The following RHOQ variants were observed in gnomAD, a reference collection of about 807,000 sequenced individuals.
RHOQ encodes ras homolog family member Q.
In RHOQ, 7 loss-of-function variants were observed where a neutral mutation model predicts 25.8. The ratio of observed to expected loss-of-function variants is 0.27; its 90% CI spans 0.15 to 0.51. RHOQ has a LOEUF of 0.51. Ranked by LOEUF, RHOQ falls within the 20% of genes least tolerant of loss-of-function variation. The pLI, the probability that RHOQ is intolerant of heterozygous loss-of-function variation, is 0.97. For missense variants in RHOQ, 165 were observed against 260.6 expected (o/e 0.63, Z 2.53); for synonymous variants, 97 against 98.6 (o/e 0.98, Z 0.10).
At chr2:46,543,420 C>G in intron 1 of RHOQ, 1 of 603,296 alleles carries the variant, frequency 1.7e-6, no homozygotes, top group Non-Finnish European at 2.9e-6. Flanking sequence ...CCCCGCACTT[C>G]CTACCCCTCG....
chr2:46,568,007 T>C (rs1002561386), intron 2 of RHOQ, among the ~76,000 whole-genome samples: 1 of 152,200 alleles, frequency 6.6e-6, no homozygotes, highest in African/African-American at 2.4e-5. Context: ...AGGTCAAGGC[T>C]GTAGCAATCT....
chr2:46,546,451 C>CATATATATATATATATATATGTATATAT (rs1668047241), intron 2 of RHOQ, among the ~76,000 whole-genome samples: 3 of 47,160 alleles, frequency 6.4e-5, no homozygotes, highest in Non-Finnish European at 1.3e-4. Flanking sequence ...TACACATATA[C>CATATATATATATATATATATGTATATAT]ATATATATAT....
At chr2:46,568,724 C>T (rs1042048822) in intron 2 of RHOQ, 1 of 152,118 alleles carries the variant, frequency 6.6e-6, no homozygotes, top group Non-Finnish European at 1.5e-5. Flanking sequence ...CCCAAATGTC[C>T]GAAATGCCCC....
intron 2 of RHOQ, chr2:46,560,456 A>T (rs970637918): frequency 4.2e-5 from 16 of 383,836 alleles, no homozygotes; most frequent in Non-Finnish European, 7.9e-5. Context: ...GAACAAAGTT[A>T]TAGTGGTGGA....
intron 4 of RHOQ, chr2:46,580,427 C>T (rs571867600): frequency 6.6e-6 from 1 of 152,568 alleles, no homozygotes; most frequent in East Asian, 1.9e-4. Context: ...GCATCAGGAT[C>T]TATCTGCCTG....
intron 2 of RHOQ, chr2:46,568,491 A>G (rs776920939): frequency 6.6e-6 from 1 of 152,144 alleles, no homozygotes; most frequent in Non-Finnish European, 1.5e-5. Flanking sequence ...GGCGTCAAAC[A>G]TTGGTCATCA....
intron 2 of RHOQ, chr2:46,568,396 C>T (rs1478571811): frequency 6.6e-6 from 1 of 152,176 alleles, no homozygotes; most frequent in Non-Finnish European, 1.5e-5. Context: ...ACAGGAAGCT[C>T]ATCATCCCTG....
At chr2:46,580,737 A>G (rs1302940677) in intron 4 of RHOQ, 191 bp from the exon 5 acceptor site, 3 of 423,930 alleles carry the variant, frequency 7.1e-6, no homozygotes, top group South Asian at 8.0e-5. Context: ...GAGTGAAATA[A>G]TTTTTCATAG....
At chr2:46,544,983 T>C (rs1261752415) in intron 2 of RHOQ, among the ~76,000 whole-genome samples, 1 of 152,232 alleles carries the variant, frequency 6.6e-6, no homozygotes, top group African/African-American at 2.4e-5. Context: ...GATTAGAGTT[T>C]AGGTTGGATT....
In RHOQ at chr2:46,576,964, T is replaced by C. The variant is rs1046742362; in HGVS notation, c.462+308T>C. 1 of 219,114 alleles carries C rather than the reference T, an allele frequency of 4.6e-6. No individual in the cohort carries two copies. The highest frequency in any genetic ancestry group is 5.6e-5 in the Admixed American group (1 of 17,746). The allele number at this position is 219,114 out of a possible 1,614,324, so 13.6% of individuals were successfully genotyped here. A position where few individuals can be genotyped will look rare whatever the true frequency, so the allele number is the denominator to read the frequency against. The stretch of plus-strand genomic sequence containing the variant: ...CACCTTTGCTACATTGCCAGTGATA[T>C]TTTCCTAAAAAGTCACATATGGAAA... On this transcript the variant is annotated intron_variant, in intron 4 of 4. Transcript: ENST00000238738. This position sits in a 1 kb window ranked among gnomAD's most constrained non-coding sequence, Gnocchi z 5.1.
intron 4 of RHOQ, among the ~76,000 whole-genome samples, chr2:46,578,769 A>G (rs35625984): frequency 0.22 from 32,702 of 151,200 alleles, 4,273 homozygotes; most frequent in Admixed American, 0.29. Flanking sequence ...ATAAATGAAT[A>G]AATAAATAAT....
intron 2 of RHOQ, among the ~76,000 whole-genome samples, chr2:46,572,107 G>GTGTTTTTTTTTTTT (rs1553422127): frequency 1.5e-5 from 1 of 66,254 alleles, no homozygotes; most frequent in African/African-American, 8.4e-5. Flanking sequence ...GTAAGTGTGT[G>GTGTTTTTTTTTTTT]TTTTTTTTTT....
chr2:46,561,249 G>GT (rs1423230410), intron 2 of RHOQ, among the ~76,000 whole-genome samples: 3 of 116,496 alleles, frequency 2.6e-5, no homozygotes, highest in African/African-American at 8.0e-5. Context: ...TGGCCAGGCA[G>GT]GAAGAGTACG....
Position 46,566,512 on chromosome 2 carries a change from TTC to T in RHOQ, c.202-9570_202-9569del, listed in dbSNP as rs1668736489. Among the ~76,000 whole-genome samples the T allele has an allele frequency of 1.3e-5, 2 of 152,204 alleles. No individual in the cohort carries two copies. The highest frequency in any genetic ancestry group is 4.1e-4 in the South Asian group (2 of 4,828). On this transcript the variant is annotated intron_variant, in intron 2 of 4. Coordinates refer to ENST00000238738, the MANE Select transcript of RHOQ (RefSeq NM_012249.4). The surrounding 1 kb of genome is among the most constrained non-coding windows in gnomAD (Gnocchi z 4.2). ...CTGTCCCTTAGTCTAAGCTTCCATC[TTC>T]TCTCAGCTGAATTACTATAATAACC...
In RHOQ at chr2:46,576,359, A is replaced by C. The variant is rs1030359240; in HGVS notation, c.366+108A>C. The C allele has an allele frequency of 1.9e-6, 2 of 1,049,826 alleles. No homozygotes were observed. Among genetic ancestry groups the C allele is most frequent in the African/African-American group, 3.2e-5 (2 of 62,230 alleles). The allele number at this position is 1,049,826 out of a possible 1,614,324, so 65.0% of individuals were successfully genotyped here. On this transcript the variant is annotated intron_variant, in intron 3 of 4. Transcript: ENST00000238738. The surrounding 1 kb of genome is among the most constrained non-coding windows in gnomAD (Gnocchi z 5.1). ...GCTGAGCAAATGATGTAAGTGTTTA[A>C]TCTCAGCTGCAAGTTAATGAGTTCT...
chr2:46,570,036 C>G (rs1397744199), intron 2 of RHOQ, among the ~76,000 whole-genome samples: 1 of 152,188 alleles, frequency 6.6e-6, no homozygotes, highest in African/African-American at 2.4e-5. Context: ...GGACCCAACC[C>G]AGCTTCCTTG....
chr2:46,572,380 G>A (rs1668961052), intron 2 of RHOQ, among the ~76,000 whole-genome samples: 1 of 152,014 alleles, frequency 6.6e-6, no homozygotes, highest in Non-Finnish European at 1.5e-5. Flanking sequence ...TGGGATTACA[G>A]GTGTGAGCCA....
Position 46,543,794 on chromosome 2 carries a change from C to T in RHOQ, c.183C>T (p.Leu61=), listed in dbSNP as rs1667933904. 1 of 1,613,640 alleles carries T rather than the reference C, an allele frequency of 6.2e-7. No homozygotes were observed. Among genetic ancestry groups the T allele is most frequent in the African/African-American group, 1.3e-5 (1 of 74,922 alleles). The change falls in exon 2 of 5, where the codon CTC becomes CTT. Residue 61 remains leucine (L), a synonymous_variant. Coordinates refer to ENST00000238738, the MANE Select transcript of RHOQ (RefSeq NM_012249.4). ...GGGGCAAGCAGTACCTCCTAGGACT[C>T]TATGACACGGCCGGACAGGTGAGTG... is the stretch of plus-strand genomic sequence containing the variant. ...TVGGKQYLLG[L]YDTAGQEDYD... is the part of the protein sequence containing the mutation.
chr2:46,564,036 A>C (rs962469713), intron 2 of RHOQ, among the ~76,000 whole-genome samples: 1 of 152,076 alleles, frequency 6.6e-6, no homozygotes, highest in Admixed American at 6.5e-5. Flanking sequence ...TGGATGCAGT[A>C]GCTCATGCCT....
Sources: gnomAD v4.1 joint callset for allele counts (sites outside exome capture counted in the v4.1 genomes callset) on GRCh38, gnomAD v4.1.1 for gene constraint, Gnocchi (gnomAD v3.1) non-coding constraint, MANE v1.5 for transcripts, NCBI Gene and HGNC (gene_info 2026-07-23, HGNC 2026-07-21) for gene names.